Variants in UVRAG observed in about 807,000 individuals in gnomAD.
UVRAG encodes the protein UV radiation resistance-associated gene protein.
In UVRAG, 19 loss-of-function variants were observed where a neutral mutation model predicts 78.0. That is an observed-to-expected ratio of 0.24 (90% CI 0.17 to 0.36). UVRAG has a LOEUF of 0.36. Among genes scored for constraint, UVRAG ranks in the 10% least tolerant of loss-of-function variants. The probability of loss-of-function intolerance (pLI) is 1.00; values close to 1 mark genes in which losing one functional copy is unlikely to be tolerated. For missense variants in UVRAG, 740 were observed against 853.8 expected (o/e 0.87, Z 1.66); for synonymous variants, 323 against 324.6 (o/e 1.00, Z 0.05).
chr11:76,122,957 A>G (rs58954457), intron 14 of UVRAG, among the ~76,000 whole-genome samples: 411 of 152,292 alleles, frequency 2.7e-3, no homozygotes, highest in African/African-American at 9.5e-3. Context: ...AAGAAGAATG[A>G]CCACTGTTTT....
intron 8 of UVRAG, among the ~76,000 whole-genome samples, chr11:75,992,093 G>A (rs1949618786): frequency 6.6e-6 from 1 of 152,092 alleles, no homozygotes; most frequent in Admixed American, 6.6e-5. Context: ...TTGCAGATGA[G>A]GATGATTTGT....
intron 12 of UVRAG, among the ~76,000 whole-genome samples, chr11:76,018,513 A>G (rs890487662): frequency 3.3e-5 from 5 of 152,152 alleles, no homozygotes; most frequent in South Asian, 4.2e-4. Flanking sequence ...GGGTTCAACA[A>G]TTCTCCTGCC....
chr11:75,891,494 A>C (rs1248187093), intron 5 of UVRAG, among the ~76,000 whole-genome samples: 1 of 152,216 alleles, frequency 6.6e-6, no homozygotes, highest in Admixed American at 6.5e-5. Flanking sequence ...TATATCAAAC[A>C]CTGTAAGAGC....
At chr11:75,985,208 T>C (rs2135282141) in intron 8 of UVRAG, among the ~76,000 whole-genome samples, 1 of 151,952 alleles carries the variant, frequency 6.6e-6, no homozygotes, top group Non-Finnish European at 1.5e-5. Flanking sequence ...ATTTGTATTT[T>C]TCGTTTTAGC....
intron 13 of UVRAG, among the ~76,000 whole-genome samples, chr11:76,111,899 T>C: frequency 7.4e-6 from 1 of 135,236 alleles, no homozygotes; most frequent in Admixed American, 7.3e-5. Context: ...GAGGAAAGCC[T>C]CTAATATTAA....
chr11:76,120,788 G>A (rs1458467886), intron 14 of UVRAG, among the ~76,000 whole-genome samples: 1 of 152,220 alleles, frequency 6.6e-6, no homozygotes, highest in Non-Finnish European at 1.5e-5. Context: ...AACAAAGCCG[G>A]AGCAAGCACT....
intron 5 of UVRAG, among the ~76,000 whole-genome samples, chr11:75,910,033 T>C (rs1240575025): frequency 6.6e-6 from 1 of 152,228 alleles, no homozygotes; most frequent in Non-Finnish European, 1.5e-5. Context: ...TTTGTGTGTG[T>C]GTGGGAAGAT....
At chr11:75,818,527 G>C (rs1945315258) in intron 1 of UVRAG, among the ~76,000 whole-genome samples, 1 of 150,306 alleles carries the variant, frequency 6.7e-6, no homozygotes, top group South Asian at 2.1e-4. Flanking sequence ...TGCCCAGGCT[G>C]GAGTGCAGTG....
In UVRAG at chr11:75,983,530, T is replaced by C. The variant is rs781295105; in HGVS notation, c.826+17T>C. The C allele has an allele frequency of 7.7e-6, 12 of 1,560,872 alleles. No homozygotes were observed. Among genetic ancestry groups the C allele is most frequent in the Middle Eastern group, 1.7e-4 (1 of 5,878 alleles). On this transcript the variant is annotated intron_variant, in intron 8 of 14. Coordinates refer to ENST00000356136, the MANE Select transcript of UVRAG (RefSeq NM_003369.4). Reference sequence around the variant, plus strand: ...AAGACAAAGGTGAGTGGAAATACCATACAAACAGCCTAACCTCCACATTCA... The same window carrying C: ...AAGACAAAGGTGAGTGGAAATACCACACAAACAGCCTAACCTCCACATTCA...
chr11:76,117,388 T>C (rs993260683), intron 14 of UVRAG, among the ~76,000 whole-genome samples: 2 of 152,230 alleles, frequency 1.3e-5, no homozygotes, highest in Admixed American at 1.3e-4. Context: ...TGGCATCTCT[T>C]TTGTAAACCA....
intron 4 of UVRAG, among the ~76,000 whole-genome samples, chr11:75,884,206 A>T (rs1947020805): frequency 7.6e-6 from 1 of 132,054 alleles, no homozygotes; most frequent in African/African-American, 3.5e-5. Context: ...AGTCTATTTG[A>T]GATCAGTCTC....
At chr11:76,068,806 G>A (rs1466452268) in intron 13 of UVRAG, among the ~76,000 whole-genome samples, 1 of 152,190 alleles carries the variant, frequency 6.6e-6, no homozygotes, top group Non-Finnish European at 1.5e-5. Context: ...GGTATTTCCA[G>A]CTTTTGAAGG....
intron 13 of UVRAG, among the ~76,000 whole-genome samples, chr11:76,095,929 G>A (rs1227665889): frequency 6.7e-6 from 1 of 149,416 alleles, no homozygotes; most frequent in Non-Finnish European, 1.5e-5. Context: ...CTTTTACTGA[G>A]TAGCTCCTAT....
intron 4 of UVRAG, among the ~76,000 whole-genome samples, chr11:75,881,075 C>T (rs1246072297): frequency 6.6e-6 from 1 of 151,206 alleles, no homozygotes; most frequent in African/African-American, 2.4e-5. Flanking sequence ...CTCAATCCCT[C>T]AATACCTCCT....
chr11:75,960,757 A>G (rs373989747), intron 6 of UVRAG, among the ~76,000 whole-genome samples: 17 of 152,274 alleles, frequency 1.1e-4, no homozygotes, highest in East Asian at 5.8e-4. Flanking sequence ...ACAGAGTGAC[A>G]TCCTGTCTCA....
rs12274615 is a variant in UVRAG at position 75,996,826 on chromosome 11, A to G, written c.827-7179A>G. ...GATTCATAAGTCCATGGGCTTTCTA[A>G]ATACAGTTCACTGCCTTCCATAGAA... On this transcript the variant is annotated intron_variant, in intron 8 of 14. Coordinates refer to ENST00000356136, the MANE Select transcript of UVRAG (RefSeq NM_003369.4). 5.4e-3 allele frequency among the ~76,000 whole-genome samples: 817 copies of G among 152,294 alleles called. 9 individuals are homozygous for G. The highest frequency in any genetic ancestry group is 0.019 in the African/African-American group (777 of 41,580).
intron 12 of UVRAG, among the ~76,000 whole-genome samples, chr11:76,058,133 A>G (rs1278577809): frequency 6.6e-6 from 1 of 152,154 alleles, no homozygotes; most frequent in African/African-American, 2.4e-5. Context: ...GTTATAATCT[A>G]TCCCAATTTC....
At chr11:75,877,245 A>G (rs566659263) in intron 3 of UVRAG, among the ~76,000 whole-genome samples, 1 of 152,134 alleles carries the variant, frequency 6.6e-6, no homozygotes, top group African/African-American at 2.4e-5. Flanking sequence ...TCCCATGTCT[A>G]CTTCTTTCCA....
chr11:75,892,747 T>C lies in UVRAG; in HGVS notation c.507+3844T>C, dbSNP rs1947242092. Among the ~76,000 whole-genome samples the C allele has an allele frequency of 3.3e-5, 5 of 152,186 alleles. No homozygotes were observed. The South Asian group carries it at 6.2e-4, about 19-fold the overall frequency. ...TCAAATGAACACCTGACATGTAGAC[T>C]GAACCTTAAAAAACCTTGTCTTTTT... On this transcript the variant is annotated intron_variant, in intron 5 of 14. Transcript: ENST00000356136.
Sources: gnomAD v4.1 joint callset for allele counts (sites outside exome capture counted in the v4.1 genomes callset) on GRCh38, gnomAD v4.1.1 for gene constraint, MANE v1.5 for transcripts, NCBI Gene and HGNC (gene_info 2026-07-23, HGNC 2026-07-21) for gene names.